PGCKA1: variants seen among roughly 807,000 people sequenced by gnomAD.
PGCKA1 encodes the protein PDCD10 and GCKIII kinases associated 1.
At chr4:37,577,461 T>A in the PGCKA1 span, among the ~76,000 whole-genome samples, 403 of 152,260 alleles carry the variant, frequency 2.6e-3, no homozygotes, top group Non-Finnish European at 3.9e-3. Context: ...ATCTTCTCTC[T>A]TTTTTCTTAG....
chr4:37,575,527 A>G, the PGCKA1 span, among the ~76,000 whole-genome samples: 2 of 152,008 alleles, frequency 1.3e-5, no homozygotes, highest in Admixed American at 1.3e-4. Flanking sequence ...TAGTTTGCAA[A>G]TGTTCTCTCC....
the PGCKA1 span, among the ~76,000 whole-genome samples, chr4:37,572,280 ATGGTCTC>A: frequency 1.3e-5 from 2 of 149,820 alleles, no homozygotes; most frequent in East Asian, 4.1e-4. Context: ...TTTAGCCGGG[ATGGTCTC>A]GATCTCCTGA....
chr4:37,535,501 G>C, the PGCKA1 span, among the ~76,000 whole-genome samples: 5 of 152,154 alleles, frequency 3.3e-5, no homozygotes, highest in African/African-American at 1.2e-4. Flanking sequence ...AGGGAGGGAG[G>C]AGCAGGAAGT....
the PGCKA1 span, among the ~76,000 whole-genome samples, chr4:37,547,006 G>A: frequency 4.6e-5 from 7 of 152,112 alleles, no homozygotes; most frequent in African/African-American, 1.7e-4. Context: ...TCGGCACTTT[G>A]ATGTTGATTT....
At chr4:37,585,896 G>A in the PGCKA1 span, among the ~76,000 whole-genome samples, 6 of 151,748 alleles carry the variant, frequency 4.0e-5, no homozygotes, top group Non-Finnish European at 7.4e-5. Flanking sequence ...TTCAATTGGT[G>A]TCACAGTTGA....
At chr4:37,549,044 T>A in the PGCKA1 span, among the ~76,000 whole-genome samples, 1 of 119,322 alleles carries the variant, frequency 8.4e-6, no homozygotes, top group Non-Finnish European at 1.7e-5. Flanking sequence ...CTCTGCTATA[T>A]CCCGGAGTCC....
chr4:37,590,300 G>A, the PGCKA1 span: 1 of 1,613,992 alleles, frequency 6.2e-7, no homozygotes. Context: ...CCTCACCAAG[G>A]GCCGCTCCCA....
chr4:37,500,027 A>T, the PGCKA1 span, among the ~76,000 whole-genome samples: 13 of 142,656 alleles, frequency 9.1e-5, no homozygotes, highest in East Asian at 2.7e-3. Flanking sequence ...GGTTCATGCC[A>T]TTCTCCTGCC....
At chr4:37,507,070 A>C in the PGCKA1 span, among the ~76,000 whole-genome samples, 104 of 151,900 alleles carry the variant, frequency 6.8e-4, 5 homozygotes, top group South Asian at 0.019. Flanking sequence ...TTGTCTTGAG[A>C]TCTATTTTGT....
the PGCKA1 span, among the ~76,000 whole-genome samples, chr4:37,578,105 T>A: frequency 1.3e-5 from 2 of 152,228 alleles, no homozygotes; most frequent in Admixed American, 6.5e-5. Context: ...TCTTTGCTGA[T>A]ATTCTGTGTG....
At chr4:37,470,861 T>A in the PGCKA1 span, among the ~76,000 whole-genome samples, 5 of 152,180 alleles carry the variant, frequency 3.3e-5, no homozygotes, top group African/African-American at 1.2e-4. Context: ...TTTAAATTAT[T>A]TTGAGTGGCT....
At chr4:37,499,859 T>C in the PGCKA1 span, among the ~76,000 whole-genome samples, 2 of 151,928 alleles carry the variant, frequency 1.3e-5, no homozygotes, top group African/African-American at 4.8e-5. Context: ...GTTACTTTGC[T>C]CTTGATTTTC....
chr4:37,545,230 C>A, the PGCKA1 span, among the ~76,000 whole-genome samples: 4 of 152,236 alleles, frequency 2.6e-5, no homozygotes, highest in African/African-American at 9.6e-5. Context: ...GGCATTCTCA[C>A]AGAAACAAGG....
the PGCKA1 span, among the ~76,000 whole-genome samples, chr4:37,499,107 T>C: frequency 6.6e-6 from 1 of 152,240 alleles, no homozygotes; most frequent in African/African-American, 2.4e-5. Context: ...TTTAGTTCTG[T>C]TTATGTGATG....
At chr4:37,545,240 G>C in the PGCKA1 span, among the ~76,000 whole-genome samples, 1 of 152,108 alleles carries the variant, frequency 6.6e-6, no homozygotes. Flanking sequence ...CAGAAACAAG[G>C]AGGGGAGCAG....
the PGCKA1 span, among the ~76,000 whole-genome samples, chr4:37,554,974 C>T: frequency 6.6e-6 from 1 of 152,156 alleles, no homozygotes; most frequent in Non-Finnish European, 1.5e-5. Flanking sequence ...CAATACGGAA[C>T]CACTTAAGGT....
chr4:37,463,348 A>C, the PGCKA1 span, among the ~76,000 whole-genome samples: 78,742 of 152,106 alleles, frequency 0.52, 20,687 homozygotes, highest in African/African-American at 0.56. Flanking sequence ...CAAAGAGAAT[A>C]ATAAAACAGA....
the PGCKA1 span, among the ~76,000 whole-genome samples, chr4:37,511,859 C>A: frequency 6.6e-6 from 1 of 152,182 alleles, no homozygotes; most frequent in Non-Finnish European, 1.5e-5. Context: ...AGTCTAGCGC[C>A]CAAGAGCACT....
chr4:37,527,863 T>C, the PGCKA1 span, among the ~76,000 whole-genome samples: 1 of 151,840 alleles, frequency 6.6e-6, no homozygotes, highest in South Asian at 2.1e-4. Flanking sequence ...TACAATTGCC[T>C]AAAGTATTCA....
Sources: allele counts gnomAD v4.1 joint callset (sites outside exome capture counted in the v4.1 genomes callset), GRCh38; gene constraint gnomAD v4.1.1; transcripts MANE v1.5; gene names NCBI Gene and HGNC (gene_info 2026-07-23, HGNC 2026-07-21).